PCLO: variants seen among roughly 807,000 people sequenced by gnomAD.
PCLO encodes the protein protein piccolo.
PCLO carries 82 observed loss-of-function variants against 427.5 expected under a neutral mutation model. The ratio of observed to expected loss-of-function variants is 0.19; its 90% CI spans 0.16 to 0.23. The LOEUF is 0.23. Among genes scored for constraint, PCLO ranks in the 10% least tolerant of loss-of-function variants. The pLI is 1.00. For missense variants in PCLO, 6,239 were observed against 6,115.9 expected (o/e 1.02, Z -0.67); for synonymous variants, 2,357 against 2,155.4 (o/e 1.09, Z -2.59).
chr7:83,091,811 T>A (rs1245255122), intron 3 of PCLO, among the ~76,000 whole-genome samples: 1 of 152,216 alleles, frequency 6.6e-6, no homozygotes, highest in East Asian at 1.9e-4. Context: ...TATTTAAAAC[T>A]ATTTTACTAT....
chr7:82,874,172 G>T (rs1460589983), intron 10 of PCLO, among the ~76,000 whole-genome samples: 30 of 147,360 alleles, frequency 2.0e-4, no homozygotes, highest in African/African-American at 7.0e-4. Flanking sequence ...GAAAACAAAG[G>T]TTTTTTTTTT....
intron 9 of PCLO, among the ~76,000 whole-genome samples, chr7:82,898,249 TG>T (rs968001697): frequency 2.0e-5 from 3 of 151,480 alleles, no homozygotes; most frequent in African/African-American, 7.2e-5. Flanking sequence ...ATTCTGCCCT[TG>T]CATTACTATT....
chr7:82,812,119 T>C (rs143914594), intron 20 of PCLO, among the ~76,000 whole-genome samples: 58 of 151,536 alleles, frequency 3.8e-4, no homozygotes, highest in Non-Finnish European at 7.1e-4. Flanking sequence ...AGAAAGATGG[T>C]AAATCTCGTA....
At chr7:82,984,954 AAAAT>A (rs1469172066) in intron 3 of PCLO, among the ~76,000 whole-genome samples, 2 of 152,044 alleles carry the variant, frequency 1.3e-5, no homozygotes, top group African/African-American at 4.8e-5. Flanking sequence ...AATGAAACTT[AAAAT>A]AGTTTCTACT....
intron 3 of PCLO, among the ~76,000 whole-genome samples, chr7:83,109,528 T>C (rs1790949625): frequency 1.3e-5 from 2 of 152,194 alleles, no homozygotes; most frequent in Admixed American, 1.3e-4. Context: ...TCTGGCTTCA[T>C]GGAAAATAAA....
intron 20 of PCLO, among the ~76,000 whole-genome samples, chr7:82,817,501 T>C (rs1365318397): frequency 3.9e-5 from 6 of 152,020 alleles, no homozygotes; most frequent in Non-Finnish European, 7.4e-5. Context: ...TACCCAGCAA[T>C]TCCCTCCACT....
In PCLO at chr7:82,950,181, A is replaced by T; in HGVS notation, c.10407T>A (p.Asp3469Glu). 1 of 1,611,248 alleles carries T rather than the reference A, an allele frequency of 6.2e-7. No individual in the cohort carries two copies. The highest frequency in any genetic ancestry group is 1.1e-5 in the South Asian group (1 of 90,884). Residue 3469 changes from aspartate (D) to glutamate (E), a missense_variant, in exon 6 of 25, where the codon GAT becomes GAA. Coordinates refer to ENST00000333891, the MANE Select transcript of PCLO (RefSeq NM_033026.6). ...SRRRRTKKSVDTSVQTDDEDQ... is the reference protein window; with the variant it reads ...SRRRRTKKSVETSVQTDDEDQ... ...CTTCATCATCAGTTTGGACGCTTGT[A>T]TCCACACTCTTTTTAGTTCTCCTTC... is the stretch of plus-strand genomic sequence containing the variant.
At chr7:82,881,598 T>C (rs1793510477) in intron 9 of PCLO, among the ~76,000 whole-genome samples, 2 of 152,178 alleles carry the variant, frequency 1.3e-5, no homozygotes, top group South Asian at 4.1e-4. Context: ...ACAATTTCAG[T>C]CATATAGTTA....
Position 82,816,824 on chromosome 7 carries a change from T to C in PCLO, c.14791+5671A>G, listed in dbSNP as rs370330215. Among the ~76,000 whole-genome samples the C allele has an allele frequency of 5.9e-5, 9 of 152,154 alleles. No homozygotes were observed. In the South Asian group the frequency reaches 1.7e-3, roughly 28 times the overall value. The stretch of plus-strand genomic sequence containing the variant: ...AAGTATGCAGATGGCTCGGTGCAGA[T>C]CCATGGCTACTACTGGAAAAGAACA... On this transcript the variant is annotated intron_variant, in intron 20 of 24. Transcript: ENST00000333891.
intron 3 of PCLO, among the ~76,000 whole-genome samples, chr7:83,028,937 C>A (rs1451933669): frequency 6.6e-6 from 1 of 151,988 alleles, no homozygotes; most frequent in Admixed American, 6.6e-5. Context: ...CCCTTCCTTA[C>A]ACCTTATACA....
rs765983783 is a variant in PCLO at position 82,879,502 on chromosome 7, G to A, written c.13529-40C>T. 6 of 1,452,680 alleles carry A rather than the reference G, an allele frequency of 4.1e-6. No homozygotes were observed. The South Asian group carries it at 5.0e-5, about 12-fold the overall frequency. The allele number at this position is 1,452,680 out of a possible 1,614,324, so 90.0% of individuals were successfully genotyped here. ...TAGCAAATTATTAGTACTAATTTAA[G>A]AAGGGACAATAGTTATCACAAGTTA... is the stretch of plus-strand genomic sequence containing the variant. On this transcript the variant is annotated intron_variant, in intron 9 of 24. Coordinates refer to ENST00000333891, the MANE Select transcript of PCLO (RefSeq NM_033026.6).
chr7:83,094,210 C>CTGGT (rs61363541), intron 3 of PCLO, among the ~76,000 whole-genome samples: 2 of 126,020 alleles, frequency 1.6e-5, no homozygotes, highest in Non-Finnish European at 3.2e-5. Flanking sequence ...ATTTTTTTTT[C>CTGGT]TTTTTTTTTT....
intron 10 of PCLO, among the ~76,000 whole-genome samples, chr7:82,856,605 A>G (rs1043979150): frequency 1.3e-5 from 2 of 152,168 alleles, no homozygotes; most frequent in African/African-American, 2.4e-5. Context: ...ATAATGTTAC[A>G]TGGGGAGTTA....
chr7:82,770,975 A>C (rs1241453823), intron 22 of PCLO, among the ~76,000 whole-genome samples: 2 of 151,986 alleles, frequency 1.3e-5, no homozygotes, highest in Non-Finnish European at 2.9e-5. Flanking sequence ...CTTCTACAGA[A>C]CATTTTATGT....
rs74713518 is a variant in PCLO, at chr7:82,909,742, C to T, written c.13301-729G>A. On this transcript the variant is annotated intron_variant, in intron 7 of 24. Coordinates refer to ENST00000333891, the MANE Select transcript of PCLO (RefSeq NM_033026.6). ...GTTAGGAACATGTGTGCCATGATTA[C>T]GTAGTAGCCTAATATTAAAAATACC... 5.9e-3 allele frequency among the ~76,000 whole-genome samples: 891 copies of T among 151,992 alleles called. 12 individuals carry two copies. The highest frequency in any genetic ancestry group is 0.02 in the African/African-American group (832 of 41,474).
Position 83,122,000 on chromosome 7 carries a change from C to G in PCLO, c.3300+12250G>C, listed in dbSNP as rs570258871. Among the ~76,000 whole-genome samples the G allele has an allele frequency of 5.3e-5, 8 of 152,198 alleles. No homozygotes were observed. The South Asian group carries it at 1.7e-3, about 32-fold the overall frequency. Reference sequence around the variant, plus strand: ...TTATCCCAAGAATGCAAGGATGGTTCAACATACACTAGTCAATTAATGTGA... The same window carrying G: ...TTATCCCAAGAATGCAAGGATGGTTGAACATACACTAGTCAATTAATGTGA... On this transcript the variant is annotated intron_variant, in intron 3 of 24. Transcript: ENST00000333891.
At chr7:82,957,245 T>C (rs1339967440) in intron 4 of PCLO, among the ~76,000 whole-genome samples, 2 of 152,150 alleles carry the variant, frequency 1.3e-5, no homozygotes, top group Admixed American at 1.3e-4. Flanking sequence ...TCTCAATAAA[T>C]TTGCTTTAGG....
intron 10 of PCLO, 148 bp downstream of exon 10, chr7:82,879,189 T>A: frequency 1.9e-6 from 1 of 528,994 alleles, no homozygotes; most frequent in Non-Finnish European, 3.2e-6. Flanking sequence ...ATGTTTTCTT[T>A]CATATTACTA....
intron 8 of PCLO, among the ~76,000 whole-genome samples, chr7:82,904,756 T>C (rs1383197152): frequency 6.6e-6 from 1 of 152,038 alleles, no homozygotes; most frequent in African/African-American, 2.4e-5. Context: ...TTTTATCAAA[T>C]AGCCACTATT....
Sources: gnomAD v4.1 joint callset for allele counts (sites outside exome capture counted in the v4.1 genomes callset) on GRCh38, gnomAD v4.1.1 for gene constraint, MANE v1.5 for transcripts, NCBI Gene and HGNC (gene_info 2026-07-23, HGNC 2026-07-21) for gene names.